AKAP8L: variants seen among roughly 807,000 people sequenced by gnomAD.
AKAP8L encodes A-kinase anchor protein 8-like.
AKAP8L carries 34 observed loss-of-function variants against 77.5 expected under a neutral mutation model. The ratio of observed to expected loss-of-function variants is 0.44; its 90% confidence interval spans 0.33 to 0.58. The LOEUF is 0.58. Ranked by LOEUF, AKAP8L falls within the 20% of genes least tolerant of loss-of-function variation. The pLI, the probability that AKAP8L is intolerant of heterozygous loss-of-function variation, is 0.02. For missense variants in AKAP8L, 806 were observed against 887.6 expected (o/e 0.91, Z 1.17); for synonymous variants, 342 against 340.7 (o/e 1.00, Z -0.04).
At chr19:15,393,122 G>T (rs970582212) in intron 12 of AKAP8L, among the ~76,000 whole-genome samples, 1 of 151,732 alleles carries the variant, frequency 6.6e-6, no homozygotes, top group African/African-American at 2.4e-5. Context: ...AATGGTGCCG[G>T]AACAACTTAA....
chr19:15,418,818 G>A, intron 1 of AKAP8L, 93 bp downstream of exon 1: 1 of 1,339,698 alleles, frequency 7.5e-7, no homozygotes, highest in South Asian at 1.2e-5. Flanking sequence ...CAGTGACGGG[G>A]CCCCAGGGGA....
intron 7 of AKAP8L, 187 bp from the exon 8 acceptor site, chr19:15,400,545 C>T (rs552703550): frequency 4.2e-5 from 30 of 722,032 alleles, no homozygotes; most frequent in African/African-American, 2.3e-4. Context: ...TGACAAGGCC[C>T]GGCTATGTGC....
rs1351288775 is a variant in AKAP8L, at chr19:15,401,612, G to A, written c.363-9C>T. On this transcript the variant is annotated splice_polypyrimidine_tract_variant and intron_variant, in intron 4 of 13. Coordinates refer to ENST00000397410, the MANE Select transcript of AKAP8L (RefSeq NM_014371.4). The surrounding 1 kb of genome is among the most constrained non-coding windows in gnomAD (Gnocchi z 6.2). ...ACTCATAAGAGTCATACCTGCAGAG[G>A]CATGGGGTGAGCATCAGGTGGAGCC... 2.6e-6 allele frequency: 4 copies of A among 1,563,012 alleles called. No homozygotes were observed. Among genetic ancestry groups the A allele is most frequent in the Non-Finnish European group, 3.5e-6 (4 of 1,154,060 alleles).
At chr19:15,385,799 A>G (rs1967522104) in intron 12 of AKAP8L, among the ~76,000 whole-genome samples, 1 of 150,824 alleles carries the variant, frequency 6.6e-6, no homozygotes, top group South Asian at 2.1e-4. Flanking sequence ...GTGTCTCACT[A>G]TATTGCCCAG....
chr19:15,397,060 C>T lies in AKAP8L; in HGVS notation c.1536+90G>A, dbSNP rs371137861. ...CTCCTGCCTCCACTGCAGTCCCTCA[C>T]GGGCTGGCAGAGGTTCCAACTGCAC... On this transcript the variant is annotated intron_variant, in intron 12 of 13. Transcript: ENST00000397410. This position sits in a 1 kb window ranked among gnomAD's most constrained non-coding sequence, Gnocchi z 4.7. 7.6e-5 allele frequency: 118 copies of T among 1,558,046 alleles called. No homozygotes were observed. The highest frequency in any genetic ancestry group is 7.4e-4 in the African/African-American group (55 of 74,050).
chr19:15,380,190 G>C lies in AKAP8L; in HGVS notation c.1873C>G (p.Arg625Gly), dbSNP rs889520756. Residue 625 changes from arginine (R) to glycine (G), a missense_variant, in exon 14 of 14, where the codon CGC becomes GGC. This residue lies in a region of AKAP8L where 226 missense variants were observed against 193.5 expected (regional missense o/e 1.17). Coordinates refer to ENST00000397410, the MANE Select transcript of AKAP8L (RefSeq NM_014371.4). ...AVPLLGGALQ[R>G]QIRGIPGLDV... ...AGGCCCGGGATGCCGCGGATCTGGC[G>C]TTGCAGCGCCCCTCCCAGCAAGGGC... 1.3e-6 allele frequency: 2 copies of C among 1,506,438 alleles called. No individual in the cohort carries two copies. The highest frequency in any genetic ancestry group is 2.1e-5 in the Admixed American group (1 of 47,632). The allele number at this position is 1,506,438 out of a possible 1,614,324, so 93.3% of individuals were successfully genotyped here. A position where few individuals can be genotyped will look rare whatever the true frequency, so the allele number is the denominator to read the frequency against.
At chr19:15,381,095 GAA>G (rs1220231528) in intron 12 of AKAP8L, 1 of 157,072 alleles carries the variant, frequency 6.4e-6, no homozygotes, top group Non-Finnish European at 1.4e-5. Flanking sequence ...ATGCAAGGGT[GAA>G]GAGAGTCTTC....
At chr19:15,384,226 C>T (rs962245769) in intron 12 of AKAP8L, among the ~76,000 whole-genome samples, 2 of 150,624 alleles carry the variant, frequency 1.3e-5, no homozygotes, top group Non-Finnish European at 3.0e-5. Flanking sequence ...CCACCGTGCC[C>T]GGCTAAGGTC....
chr19:15,390,105 T>G (rs1375536709), intron 12 of AKAP8L, among the ~76,000 whole-genome samples: 1 of 151,700 alleles, frequency 6.6e-6, no homozygotes, highest in African/African-American at 2.4e-5. Flanking sequence ...ACTGAATTAT[T>G]AATAATAATA....
At chr19:15,395,825 A>G (rs1210151033) in intron 12 of AKAP8L, among the ~76,000 whole-genome samples, 1 of 142,510 alleles carries the variant, frequency 7.0e-6, no homozygotes, top group African/African-American at 2.6e-5. Context: ...TCTACTAAAA[A>G]TACAAAAAAT....
intron 12 of AKAP8L, among the ~76,000 whole-genome samples, chr19:15,396,090 T>A (rs547847028): frequency 2.1e-4 from 32 of 152,000 alleles, no homozygotes; most frequent in Non-Finnish European, 3.8e-4. Context: ...CTTGGTGGCA[T>A]TTCCCAATCC....
Position 15,380,434 on chromosome 19 carries a change from T to TG in AKAP8L, c.1633-5dup. On this transcript the variant is annotated splice_polypyrimidine_tract_variant and splice_region_variant and intron_variant, in intron 13 of 13. Transcript: ENST00000397410. ...TGTCGGTGAAAGGGTTCTCGCCCTG[T>TG]GGGGAGGGGCGCGGACACTGAAGGG... The TG allele has an allele frequency of 6.2e-7, 1 of 1,607,754 alleles. No individual in the cohort carries two copies. Among genetic ancestry groups the TG allele is most frequent in the South Asian group, 1.1e-5 (1 of 90,256 alleles).
At chr19:15,413,103 G>A (rs12461519) in intron 1 of AKAP8L, among the ~76,000 whole-genome samples, 108,091 of 152,116 alleles carry the variant, frequency 0.71, 39,332 homozygotes, top group East Asian at 0.99. Flanking sequence ...TTTCCCTGCA[G>A]GGTGCTAAGA....
chr19:15,401,438 G>T lies in AKAP8L; in HGVS notation c.528C>A (p.Phe176Leu). 6.2e-7 allele frequency: 1 copy of T among 1,613,622 alleles called. No individual in the cohort carries two copies. Among genetic ancestry groups the T allele is most frequent in the Non-Finnish European group, 8.5e-7 (1 of 1,179,886 alleles). ...GGGCCCAGCCCTGTGCCCTGGGACC[G>T]AAGGTGTCGTTGCCACGCATGCGGA... ...DQFRMRGNDT[F>L]GPRAQGWARD... Residue 176 changes from phenylalanine to leucine, a missense_variant, in exon 5 of 14, where the codon TTC becomes TTA. Physicochemically the swap from Phe to Leu is conservative, Grantham distance 22. Transcript: ENST00000397410. This position sits in a 1 kb window ranked among gnomAD's most constrained non-coding sequence, Gnocchi z 6.2.
chr19:15,410,889 T>C (rs182129895), intron 1 of AKAP8L, among the ~76,000 whole-genome samples: 1 of 152,352 alleles, frequency 6.6e-6, no homozygotes, highest in African/African-American at 2.4e-5. Context: ...CACGGCTCAC[T>C]GCAACCTCGA....
Position 15,403,452 on chromosome 19 carries a change from C to T in AKAP8L, c.362+23G>A. 6.2e-7 allele frequency: 1 copy of T among 1,612,762 alleles called. No homozygotes were observed. The highest frequency in any genetic ancestry group is 8.5e-7 in the Non-Finnish European group (1 of 1,178,984). ...AGGAGCCGCCCCTGCAGAGTCTCAACCCCTAGGCAGGTGTCCACTCACCTT... is the reference window on the plus strand; with the variant it reads ...AGGAGCCGCCCCTGCAGAGTCTCAATCCCTAGGCAGGTGTCCACTCACCTT... On this transcript the variant is annotated intron_variant, in intron 4 of 13. Transcript: ENST00000397410. This position sits in a 1 kb window ranked among gnomAD's most constrained non-coding sequence, Gnocchi z 4.3.
intron 12 of AKAP8L, among the ~76,000 whole-genome samples, chr19:15,395,235 T>C (rs754862135): frequency 1.3e-5 from 2 of 152,100 alleles, no homozygotes; most frequent in Admixed American, 6.5e-5. Context: ...GGTTTCACCA[T>C]GTTAGCCAGG....
chr19:15,412,019 C>T (rs1279971941), intron 1 of AKAP8L, among the ~76,000 whole-genome samples: 1 of 152,128 alleles, frequency 6.6e-6, no homozygotes, highest in African/African-American at 2.4e-5. Flanking sequence ...ATCAGCCTGG[C>T]CAATATGGTG....
chr19:15,403,627 T>G lies in AKAP8L; in HGVS notation c.210A>C (p.Glu70Asp). 3 of 1,613,978 alleles carry G rather than the reference T, an allele frequency of 1.9e-6. No homozygotes were observed. Among genetic ancestry groups the G allele is most frequent in the Non-Finnish European group, 2.5e-6 (3 of 1,179,890 alleles). Residue 70 changes from glutamate (E) to aspartate (D), a missense_variant, in exon 4 of 14, where the codon GAA (glutamate) becomes GAC (aspartate). This residue lies in a region of AKAP8L where 580 missense variants were observed against 694.1 expected (regional missense o/e 0.84). Transcript: ENST00000397410. This position sits in a 1 kb window ranked among gnomAD's most constrained non-coding sequence, Gnocchi z 4.3. ...TTGCATTTGTGTCAGAGCTAGGCAT[T>G]TCCCAAGAGTGTGAAGTGGCCATAC... is the stretch of plus-strand genomic sequence containing the variant. ...GYGMATSHSW[E>D]MPSSDTNANT...
Sources: gnomAD v4.1 joint callset for allele counts (sites outside exome capture counted in the v4.1 genomes callset) on GRCh38, gnomAD v4.1.1 for gene constraint, gnomAD v4.1.1 regional missense constraint, Gnocchi (gnomAD v3.1) non-coding constraint, MANE v1.5 for transcripts, NCBI Gene and HGNC (gene_info 2026-07-23, HGNC 2026-07-21) for gene names.